The following CLGN variants were observed in gnomAD, a reference collection of about 807,000 sequenced individuals.
CLGN encodes the protein calmegin.
A neutral mutation model predicts 79.1 loss-of-function variants in CLGN; 62 were observed. The observed-to-expected ratio is 0.78, with a 90% CI of 0.64 to 0.97. The LOEUF is 0.97. Ranked by LOEUF, CLGN falls within the 50% of genes least tolerant of loss-of-function variation. The pLI is 0.00. For missense variants in CLGN, 647 were observed against 715.5 expected (o/e 0.90, Z 1.09); for synonymous variants, 225 against 224.7 (o/e 1.00, Z -0.01).
chr4:140,392,163 A>G (rs1198460074), intron 13 of CLGN, 56 bp downstream of exon 13: 2 of 1,568,772 alleles, frequency 1.3e-6, no homozygotes, highest in Non-Finnish European at 1.7e-6. Flanking sequence ...AAGGCCATAT[A>G]CAGTTTTATG....
chr4:140,418,903 C>T (rs1180355963), intron 1 of CLGN, among the ~76,000 whole-genome samples: 7 of 152,072 alleles, frequency 4.6e-5, no homozygotes, highest in Admixed American at 1.3e-4. Context: ...CTCATGCACA[C>T]GTATGTTTAT....
At chr4:140,394,224 T>C (rs1403435714) in intron 10 of CLGN, among the ~76,000 whole-genome samples, 183 bp from the exon 11 acceptor site, 1 of 152,168 alleles carries the variant, frequency 6.6e-6, no homozygotes, top group Non-Finnish European at 1.5e-5. Flanking sequence ...GTGTACACAA[T>C]GTTCCCTACG....
chr4:140,395,159 G>GT (rs113807754), intron 10 of CLGN, among the ~76,000 whole-genome samples: 87,560 of 147,302 alleles, frequency 0.59, 27,098 homozygotes, highest in Non-Finnish European at 0.7. Context: ...TTGTTTTTTT[G>GT]TTTTTTTGTT....
rs1728821032 is a variant in CLGN at position 140,393,893 on chromosome 4, T to A, written c.1298A>T (p.Lys433Met). Residue 433 changes from lysine (K) to methionine (M), a missense_variant, in exon 11 of 15, where the codon AAG (lysine) becomes ATG (methionine). Physicochemically the swap from Lys to Met is moderately conservative, Grantham distance 95. Transcript: ENST00000325617. The part of the protein sequence containing the change: ...YFDNFIICSE[K>M]EVADHWAADG... ...TGCAGCCCAGTGATCTGCTACTTCC[T>A]TTTCCGAACAGATAATAAAATTATC... 6.2e-7 allele frequency: 1 copy of A among 1,613,480 alleles called. No individual in the cohort carries two copies. The highest frequency in any genetic ancestry group is 1.1e-5 in the South Asian group (1 of 91,066).
intron 13 of CLGN, among the ~76,000 whole-genome samples, chr4:140,391,593 G>A (rs1218745276): frequency 6.6e-6 from 1 of 151,740 alleles, no homozygotes; most frequent in Non-Finnish European, 1.5e-5. Flanking sequence ...TAAACACTGT[G>A]CTTCAAGACA....
At chr4:140,406,703 T>G (rs1047986192) in intron 4 of CLGN, among the ~76,000 whole-genome samples, 5 of 152,222 alleles carry the variant, frequency 3.3e-5, no homozygotes, top group African/African-American at 1.2e-4. Flanking sequence ...GAGTTAGGCC[T>G]TCTCTGTGTT....
chr4:140,405,216 G>T, intron 5 of CLGN, among the ~76,000 whole-genome samples: 1 of 125,924 alleles, frequency 7.9e-6, no homozygotes, highest in South Asian at 2.4e-4. Flanking sequence ...ACGGAGTCTC[G>T]CTCTGTCGCC....
At chr4:140,393,796 T>C (rs1479180631) in intron 11 of CLGN, 30 bp downstream of exon 11, 1 of 1,582,502 alleles carries the variant, frequency 6.3e-7, no homozygotes, top group Non-Finnish European at 8.7e-7. Flanking sequence ...TTCATAGTTA[T>C]ATCACTACTG....
In CLGN at chr4:140,392,294, C is replaced by T. The variant is rs768415712; in HGVS notation, c.1576G>A (p.Glu526Lys). Residue 526 changes from glutamate (E) to lysine (K), a missense_variant, in exon 13 of 15, where the codon GAG becomes AAG. Transcript: ENST00000325617. Reference protein sequence around the residue: ...KGVLEQEEKEEKAALEKPMDL... With the variant: ...KGVLEQEEKEKKAALEKPMDL... ...ATTGGTTTTTCCAGGGCTGCTTTCTCTTCCTTTTCTTCTTGCTCTAGTACT... is the reference window on the plus strand; with the variant it reads ...ATTGGTTTTTCCAGGGCTGCTTTCTTTTCCTTTTCTTCTTGCTCTAGTACT... The T allele has an allele frequency of 1.1e-5, 18 of 1,612,948 alleles. No individual in the cohort carries two copies. The highest frequency in any genetic ancestry group is 1.5e-5 in the Non-Finnish European group (18 of 1,179,282).
At chr4:140,398,003 T>C (rs564959796) in intron 8 of CLGN, among the ~76,000 whole-genome samples, 1 of 152,184 alleles carries the variant, frequency 6.6e-6, no homozygotes, top group Non-Finnish European at 1.5e-5. Context: ...TACAGAAAGA[T>C]AGAAATTTTA....
intron 5 of CLGN, among the ~76,000 whole-genome samples, chr4:140,405,190 T>TA (rs1553945371): frequency 6.6e-5 from 6 of 91,164 alleles, no homozygotes; most frequent in East Asian, 2.8e-4. Flanking sequence ...TTTTTTTTTT[T>TA]ATTTTTTTTT....
At chr4:140,420,185 G>C (rs930484040) in intron 1 of CLGN, among the ~76,000 whole-genome samples, 1 of 151,958 alleles carries the variant, frequency 6.6e-6, no homozygotes, top group African/African-American at 2.4e-5. Context: ...TGCCAAGAAA[G>C]AGTTAAGAGG....
chr4:140,425,108 G>A (rs1370732157), intron 1 of CLGN, among the ~76,000 whole-genome samples: 1 of 152,172 alleles, frequency 6.6e-6, no homozygotes, highest in South Asian at 2.1e-4. Context: ...TGCAATATGT[G>A]TTGTATAGTG....
At chr4:140,395,162 T>TTA (rs1728848983) in intron 10 of CLGN, among the ~76,000 whole-genome samples, 1 of 151,144 alleles carries the variant, frequency 6.6e-6, no homozygotes, top group Non-Finnish European at 1.5e-5. Context: ...TTTTTTTGTT[T>TTA]TTTTGTTTTG....
chr4:140,425,095 A>T (rs898426749), intron 1 of CLGN, among the ~76,000 whole-genome samples: 5 of 152,184 alleles, frequency 3.3e-5, no homozygotes, highest in Admixed American at 2.6e-4. Context: ...CAATCACAGG[A>T]TATGCAATAT....
At chr4:140,409,074 A>C (rs1430005534) in intron 4 of CLGN, among the ~76,000 whole-genome samples, 2 of 152,020 alleles carry the variant, frequency 1.3e-5, no homozygotes, top group African/African-American at 2.4e-5. Context: ...GACAGCTGAC[A>C]TCCAACATGC....
Position 140,392,655 on chromosome 4 carries a change from C to T in CLGN, c.1422G>A (p.Leu474=). Residue 474 remains leucine (L), a synonymous_variant, in exon 12 of 15, where the codon TTG becomes TTA. Transcript: ENST00000325617. ...GCACTCCTGCTGTCACAAGATAAATCAACCAAAGCCATGGGTGCCCTTCAG... is the reference window on the plus strand; with the variant it reads ...GCACTCCTGCTGTCACAAGATAAATTAACCAAAGCCATGGGTGCCCTTCAG... The part of the protein sequence containing the change: ...AAAEGHPWLW[L]IYLVTAGVPI... 1 of 1,610,998 alleles carries T rather than the reference C, an allele frequency of 6.2e-7. No individual in the cohort carries two copies. Among genetic ancestry groups the T allele is most frequent in the Non-Finnish European group, 8.5e-7 (1 of 1,178,724 alleles).
intron 1 of CLGN, among the ~76,000 whole-genome samples, chr4:140,422,077 A>C (rs1729481225): frequency 6.6e-6 from 1 of 152,202 alleles, no homozygotes; most frequent in African/African-American, 2.4e-5. Context: ...TTTATAAAAA[A>C]AATTTGAACA....
chr4:140,393,868 T>G lies in CLGN; in HGVS notation c.1323A>C (p.Ala441=), dbSNP rs759512289. Residue 441 remains alanine, a synonymous_variant, in exon 11 of 15, where the codon GCA becomes GCC. Transcript: ENST00000325617. ...SEKEVADHWA[A]DGWRWKIMIA... ...TCATTATTTTCCATCTCCAACCATC[T>G]GCAGCCCAGTGATCTGCTACTTCCT... 2.5e-6 allele frequency: 4 copies of G among 1,613,752 alleles called. No homozygotes were observed. In the Admixed American group the frequency reaches 6.7e-5, roughly 27 times the overall value.
Sources: gnomAD v4.1 joint callset for allele counts (sites outside exome capture counted in the v4.1 genomes callset) on GRCh38, gnomAD v4.1.1 for gene constraint, MANE v1.5 for transcripts, NCBI Gene and HGNC (gene_info 2026-07-23, HGNC 2026-07-21) for gene names.